The following ZNF608 variants were observed in gnomAD, a reference collection of about 807,000 sequenced individuals.
ZNF608 encodes renal carcinoma antigen NY-REN-36.
A neutral mutation model predicts 109.0 loss-of-function variants in ZNF608; 12 were observed. The observed-to-expected ratio is 0.11, with a 90% CI of 0.07 to 0.18. The LOEUF is 0.18. ZNF608 is among the 10% of genes least tolerant of loss of function. The pLI is 1.00. For missense variants in ZNF608, 1,707 were observed against 1,879.3 expected (o/e 0.91, Z 1.70); for synonymous variants, 732 against 717.4 (o/e 1.02, Z -0.33).
intron 2 of ZNF608, among the ~76,000 whole-genome samples, chr5:124,719,744 GT>G (rs1362983640): frequency 6.6e-6 from 1 of 152,146 alleles, no homozygotes; most frequent in Non-Finnish European, 1.5e-5. Flanking sequence ...AGAAGCAAAG[GT>G]TTCTGCGTTT....
rs768884093 is a variant in ZNF608, at chr5:124,644,629, T to C, written c.3738A>G (p.Val1246=). The C allele has an allele frequency of 6.3e-6, 10 of 1,576,922 alleles. No individual in the cohort carries two copies. The African/African-American group carries it at 1.4e-4, about 22-fold the overall frequency. ...DPDSRTWHHY[V]YQPKYLDQQK... The stretch of plus-strand genomic sequence containing the variant: ...GCTGATCCAGATATTTGGGCTGGTA[T>C]ACATAATGATGCCATGTTCTTGAAT... Residue 1246 remains valine, a synonymous_variant, in exon 6 of 10, where the codon GTA becomes GTG. Transcript: ENST00000513986.
At position 124,648,932 on chromosome 5, in the gene ZNF608, A is replaced by AT; in HGVS notation, c.1451dup (p.Asn484LysfsTer5). On this transcript the variant is annotated frameshift_variant, in exon 5 of 10. Coordinates refer to ENST00000513986, the MANE Select transcript of ZNF608 (RefSeq NM_020747.3). LOFTEE classifies it high-confidence loss of function. The stretch of plus-strand genomic sequence containing the variant: ...TGGCTTTGATATCCTCAGCAGCACA[A>AT]TTTGGGGGTGTCCTTCGTCCGCTGG... The AT allele has an allele frequency of 6.2e-7, 1 of 1,613,976 alleles. No individual in the cohort carries two copies. The highest frequency in any genetic ancestry group is 1.7e-5 in the Admixed American group (1 of 59,992).
chr5:124,745,206 T>C (rs1749596107), intron 1 of ZNF608, 34 bp from the exon 2 acceptor site: 4 of 1,396,858 alleles, frequency 2.9e-6, no homozygotes, highest in Non-Finnish European at 3.7e-6. Context: ...GAATATTTCT[T>C]GTCTGGGTGT....
chr5:124,746,111 G>C (rs1056395017), intron 1 of ZNF608, 84 bp downstream of exon 1: 1 of 984,268 alleles, frequency 1.0e-6, no homozygotes, highest in Non-Finnish European at 1.2e-6. Context: ...AAAGGGATCA[G>C]CCCCTTTTTA....
chr5:124,711,394 CT>C (rs1753483205), intron 2 of ZNF608, among the ~76,000 whole-genome samples: 1 of 152,178 alleles, frequency 6.6e-6, no homozygotes, highest in Non-Finnish European at 1.5e-5. Flanking sequence ...ATTTTTTAAA[CT>C]AACTTTTTAA....
intron 3 of ZNF608, among the ~76,000 whole-genome samples, chr5:124,691,978 A>G (rs73296690): frequency 0.13 from 20,477 of 152,174 alleles, 2,838 homozygotes; most frequent in African/African-American, 0.36. Context: ...GAGATTATAG[A>G]GTTTTTTCCC....
intron 2 of ZNF608, among the ~76,000 whole-genome samples, chr5:124,706,852 G>A (rs1753278660): frequency 6.6e-6 from 1 of 152,208 alleles, no homozygotes; most frequent in South Asian, 2.1e-4. Flanking sequence ...ATTATTCCCA[G>A]GTGTTAGTGC....
At chr5:124,703,470 G>C (rs879012857) in intron 2 of ZNF608, among the ~76,000 whole-genome samples, 1 of 152,086 alleles carries the variant, frequency 6.6e-6, no homozygotes, top group Admixed American at 6.5e-5. Flanking sequence ...TCCTCAACTA[G>C]AAAACACATT....
chr5:124,690,924 A>ACACAC (rs1561562225), intron 3 of ZNF608, among the ~76,000 whole-genome samples: 34 of 86,994 alleles, frequency 3.9e-4, no homozygotes, highest in African/African-American at 1.9e-3. Flanking sequence ...GCAACAGAAA[A>ACACAC]ACACACACAC....
chr5:124,675,592 A>G (rs1230413133), intron 3 of ZNF608, among the ~76,000 whole-genome samples: 3 of 152,226 alleles, frequency 2.0e-5, no homozygotes, highest in Non-Finnish European at 2.9e-5. Context: ...CATTTTATAG[A>G]CAGAAAAATA....
intron 2 of ZNF608, among the ~76,000 whole-genome samples, chr5:124,738,027 T>G (rs954398386): frequency 1.3e-5 from 2 of 152,188 alleles, no homozygotes; most frequent in Non-Finnish European, 2.9e-5. Context: ...TGAACATTTT[T>G]TAAAGAATAA....
At chr5:124,661,924 G>C (rs557913991) in intron 3 of ZNF608, among the ~76,000 whole-genome samples, 1 of 152,302 alleles carries the variant, frequency 6.6e-6, no homozygotes, top group East Asian at 1.9e-4. Flanking sequence ...CATGTTGTTA[G>C]TATCATAGTA....
chr5:124,722,701 A>C (rs1753982217), intron 2 of ZNF608, among the ~76,000 whole-genome samples: 1 of 152,082 alleles, frequency 6.6e-6, no homozygotes, highest in African/African-American at 2.4e-5. Context: ...TGGAGAAGAT[A>C]TCTTCAAATA....
chr5:124,668,395 A>G (rs1200694574), intron 3 of ZNF608, among the ~76,000 whole-genome samples: 4 of 150,822 alleles, frequency 2.7e-5, no homozygotes, highest in South Asian at 4.2e-4. Flanking sequence ...AACACCACAC[A>G]GAAAAAAAAA....
chr5:124,735,907 A>C (rs934911570), intron 2 of ZNF608, among the ~76,000 whole-genome samples: 2 of 152,226 alleles, frequency 1.3e-5, no homozygotes, highest in African/African-American at 4.8e-5. Flanking sequence ...CTTTTCAATT[A>C]CTGAAGATGT....
At position 124,746,298 on chromosome 5, in the gene ZNF608, G is replaced by C. The variant is rs544313548; in HGVS notation, c.-287C>G. ...GCCTCATTTTACTTAAACACCAAAT[G>C]ATCAAGAAGGAAGAAACCAAATAAC... On this transcript the variant is annotated 5_prime_UTR_variant, in exon 1 of 10. It adds an upstream start codon to the 5' untranslated region. Coordinates refer to ENST00000513986, the MANE Select transcript of ZNF608 (RefSeq NM_020747.3). The C allele has an allele frequency of 1.0e-5, 10 of 985,092 alleles. No homozygotes were observed. Among genetic ancestry groups the C allele is most frequent in the African/African-American group, 1.7e-5 (1 of 57,148 alleles). The allele number at this position is 985,092 out of a possible 1,614,324, so 61.0% of individuals were successfully genotyped here.
intron 2 of ZNF608, among the ~76,000 whole-genome samples, chr5:124,721,673 C>T (rs1395810802): frequency 2.6e-5 from 4 of 151,970 alleles, no homozygotes; most frequent in African/African-American, 9.7e-5. Flanking sequence ...CAGTGGCTCA[C>T]GCCTGTAATC....
chr5:124,639,070 G>C, intron 9 of ZNF608, 63 bp downstream of exon 9: 1 of 1,506,794 alleles, frequency 6.6e-7, no homozygotes, highest in Non-Finnish European at 9.1e-7. Flanking sequence ...TCCTGTACTT[G>C]CTTCCTCCCA....
At chr5:124,721,999 G>A (rs1753943980) in intron 2 of ZNF608, among the ~76,000 whole-genome samples, 1 of 138,586 alleles carries the variant, frequency 7.2e-6, no homozygotes, top group Admixed American at 7.6e-5. Context: ...CATCAAGTGG[G>A]ACCAGTCCCC....
Sources: allele counts gnomAD v4.1 joint callset (sites outside exome capture counted in the v4.1 genomes callset), GRCh38; gene constraint gnomAD v4.1.1; transcripts MANE v1.5; gene names NCBI Gene and HGNC (gene_info 2026-07-23, HGNC 2026-07-21).